The following AFF2 variants were observed in gnomAD, a reference collection of about 807,000 sequenced individuals.
The protein encoded by AFF2 is AF4/FMR2 family member 2.
AFF2 carries 14 observed loss-of-function variants against 76.9 expected under a neutral mutation model. That is an observed-to-expected ratio of 0.18 (90% CI 0.12 to 0.28). The LOEUF is 0.28. Among genes scored for constraint, AFF2 ranks in the 10% least tolerant of loss-of-function variants. The pLI is 1.00. For synonymous variants in AFF2, 398 were observed against 366.7 expected (o/e 1.09, Z -0.98); for missense variants, 868 against 1,001.1 (o/e 0.87, Z 1.79).
intron 1 of AFF2, among the ~76,000 whole-genome samples, chrX:148,606,198 T>C (rs985951477): frequency 8.9e-6 from 1 of 111,899 alleles, no homozygotes; most frequent in African/African-American, 3.2e-5. Flanking sequence ...AAAAGTCTCA[T>C]GATCATGAAA....
Position 148,956,520 on chromosome X carries a change from G to A in AFF2, c.2475G>A (p.Lys825=), listed in dbSNP as rs781874961. Residue 825 remains lysine (K), a synonymous_variant, in exon 11 of 21, where the codon AAG becomes AAA. Transcript: ENST00000370460. ...GHSSLHAAPA[K]PDHKETATKP... is the part of the protein sequence containing the mutation. ...GCTCACTCCATGCAGCACCTGCCAA[G>A]CCAGACCACAAGGAGACTGCCACAA... 8.3e-7 allele frequency: 1 copy of A among 1,210,455 alleles called. No individual in the cohort carries two copies. The highest frequency in any genetic ancestry group is 1.7e-5 in the African/African-American group (1 of 57,329).
At chrX:148,843,907 G>C (rs2070634301) in intron 7 of AFF2, among the ~76,000 whole-genome samples, 1 of 110,929 alleles carries the variant, frequency 9.0e-6, no homozygotes. Flanking sequence ...TATCACCTTG[G>C]GGGTGAGGAT....
chrX:148,740,970 G>A (rs2055343675), intron 3 of AFF2, among the ~76,000 whole-genome samples: 1 of 112,101 alleles, frequency 8.9e-6, no homozygotes, highest in Non-Finnish European at 1.9e-5. Flanking sequence ...TGGTACTGGG[G>A]ATTGTCTGCA....
intron 7 of AFF2, among the ~76,000 whole-genome samples, chrX:148,883,980 TACACACAC>T (rs35575810): frequency 2.9e-5 from 3 of 104,057 alleles, no homozygotes; most frequent in African/African-American, 7.0e-5. Flanking sequence ...TGTATTGAGA[TACACACAC>T]ACACACACAC....
intron 1 of AFF2, among the ~76,000 whole-genome samples, chrX:148,532,493 A>G (rs930319294): frequency 3.6e-5 from 4 of 112,563 alleles, no homozygotes; most frequent in Admixed American, 1.9e-4. Context: ...TGGTCAAGGA[A>G]TGACTTTATG....
At chrX:148,641,997 T>C (rs2124444074) in intron 1 of AFF2, among the ~76,000 whole-genome samples, 1 of 112,381 alleles carries the variant, frequency 8.9e-6, no homozygotes, top group East Asian at 2.8e-4. Context: ...TGTGGGTTGA[T>C]GCAATTTAAC....
intron 1 of AFF2, among the ~76,000 whole-genome samples, chrX:148,553,533 GCCTT>G (rs2053018431): frequency 9.0e-6 from 1 of 111,552 alleles, no homozygotes; most frequent in African/African-American, 3.3e-5. Context: ...ATGTACTGTG[GCCTT>G]CTCTGAAAGG....
At chrX:148,588,914 A>C (rs1382024066) in intron 1 of AFF2, among the ~76,000 whole-genome samples, 2 of 111,709 alleles carry the variant, frequency 1.8e-5, no homozygotes, top group African/African-American at 3.3e-5. Flanking sequence ...ATGAGACACT[A>C]TATGTTACTG....
At chrX:148,858,797 A>G (rs2070814783) in intron 7 of AFF2, among the ~76,000 whole-genome samples, 1 of 110,256 alleles carries the variant, frequency 9.1e-6, no homozygotes, top group Admixed American at 9.8e-5. Context: ...AAAGGTATAT[A>G]TGTTCTCATA....
At chrX:148,811,783 C>T (rs781971217) in intron 4 of AFF2, among the ~76,000 whole-genome samples, 6 of 111,663 alleles carry the variant, frequency 5.4e-5, no homozygotes, top group African/African-American at 9.8e-5. Context: ...CTGAGGCTGG[C>T]GACACCAGTC....
chrX:148,789,318 C>G (rs2069860988), intron 3 of AFF2, among the ~76,000 whole-genome samples: 1 of 111,719 alleles, frequency 9.0e-6, no homozygotes, highest in Non-Finnish European at 1.9e-5. Flanking sequence ...TTCCCATTAG[C>G]TGATTATACC....
rs781862916 is a variant in AFF2, at chrX:148,993,837, G to A, written c.*2505G>A. On this transcript the variant is annotated 3_prime_UTR_variant, in exon 21 of 21. Coordinates refer to ENST00000370460, the MANE Select transcript of AFF2 (RefSeq NM_002025.4). ...GCTTAGGAACTAATTAAACATGGAG[G>A]ATGAATTACCTTCCTATCCCTTGAG... 1 of 112,109 alleles carries A rather than the reference G, an allele frequency of 8.9e-6. No homozygotes were observed. The highest frequency in any genetic ancestry group is 1.9e-5 in the Non-Finnish European group (1 of 53,178). The allele number at this position is 112,109 out of a possible 1,213,427, so 9.2% of individuals were successfully genotyped here. A position where few individuals can be genotyped will look rare whatever the true frequency, so the allele number is the denominator to read the frequency against.
chrX:148,991,438 A>G lies in AFF2; in HGVS notation c.*106A>G. On this transcript the variant is annotated 3_prime_UTR_variant, in exon 21 of 21. Coordinates refer to ENST00000370460, the MANE Select transcript of AFF2 (RefSeq NM_002025.4). The stretch of plus-strand genomic sequence containing the variant: ...TCACTGGGGAACGTTCTCTTTGGTT[A>G]TGTTTGTTTTTATGCTTCTTTTGTT... 2.1e-6 allele frequency: 2 copies of G among 935,329 alleles called. No individual in the cohort carries two copies. The highest frequency in any genetic ancestry group is 2.8e-6 in the Non-Finnish European group (2 of 711,341). The allele number at this position is 935,329 out of a possible 1,213,427, so 77.1% of individuals were successfully genotyped here.
intron 3 of AFF2, among the ~76,000 whole-genome samples, chrX:148,805,531 A>G (rs2069811705): frequency 1.8e-5 from 2 of 112,048 alleles, no homozygotes; most frequent in Middle Eastern, 9.2e-3. Flanking sequence ...CAATGCCACT[A>G]TCAGGGTGTT....
intron 1 of AFF2, among the ~76,000 whole-genome samples, chrX:148,531,533 G>A (rs1175502239): frequency 1.8e-5 from 2 of 112,458 alleles, no homozygotes; most frequent in Non-Finnish European, 3.8e-5. Context: ...AGTAGAAGGA[G>A]GAGCATGGGA....
At chrX:148,511,904 T>A (rs2124196406) in intron 1 of AFF2, among the ~76,000 whole-genome samples, 1 of 112,387 alleles carries the variant, frequency 8.9e-6, no homozygotes, top group African/African-American at 3.2e-5. Flanking sequence ...CCCTGAACAT[T>A]ATTTTATTAT....
In AFF2 at chrX:148,671,254, A is replaced by G. The variant is rs1336491597; in HGVS notation, c.1041+8486A>G. Among the ~76,000 whole-genome samples the G allele has an allele frequency of 7.1e-5, 8 of 112,252 alleles. 1 individual carries two copies. The highest frequency in any genetic ancestry group is 2.6e-4 in the African/African-American group (8 of 30,882). On this transcript the variant is annotated intron_variant, in intron 3 of 20. Transcript: ENST00000370460. ...TTTAACAAAATTTAATTCTTATGTT[A>G]TACACATTTCTGTCATCATTATTAA...
intron 1 of AFF2, among the ~76,000 whole-genome samples, chrX:148,577,180 C>T (rs1404763295): frequency 9.0e-6 from 1 of 111,692 alleles, no homozygotes; most frequent in Non-Finnish European, 1.9e-5. Context: ...AGTGTTACTG[C>T]GAAGTTTCTA....
chrX:148,962,967 G>A lies in AFF2; in HGVS notation c.2913+30G>A, dbSNP rs781801366. 18 of 1,045,911 alleles carry A rather than the reference G, an allele frequency of 1.7e-5. 1 individual carries two copies. The South Asian group carries it at 3.3e-4, about 19-fold the overall frequency. 86.2% of individuals were successfully genotyped at this position (1,045,911 alleles called of 1,213,427 possible). ...GCATCTTGGAAGAAATATTATTATT[G>A]TCAGGTAGAAACAAGTTAACCAGCT... On this transcript the variant is annotated intron_variant, in intron 13 of 20. Transcript: ENST00000370460.
Sources: gnomAD v4.1 joint callset for allele counts (sites outside exome capture counted in the v4.1 genomes callset) on GRCh38, gnomAD v4.1.1 for gene constraint, MANE v1.5 for transcripts, NCBI Gene and HGNC (gene_info 2026-07-23, HGNC 2026-07-21) for gene names.